The following HACD2 variants were observed in gnomAD, a reference collection of about 807,000 sequenced individuals.
The protein encoded by HACD2 is 3-hydroxyacyl-CoA dehydratase 2.
A neutral mutation model predicts 31.0 loss-of-function variants in HACD2; 15 were observed. The ratio of observed to expected loss-of-function variants is 0.48; its 90% CI spans 0.32 to 0.75. HACD2 has a LOEUF of 0.75. Ranked by LOEUF, HACD2 falls within the 30% of genes least tolerant of loss-of-function variation. The pLI, the probability that HACD2 is intolerant of heterozygous loss-of-function variation, is 0.03. For synonymous variants in HACD2, 115 were observed against 122.2 expected, an observed-to-expected ratio of 0.94 and a Z score of 0.39; for missense variants, 283 against 313.0, an observed-to-expected ratio of 0.90 and a Z score of 0.72.
intron 3 of HACD2, among the ~76,000 whole-genome samples, chr3:123,563,644 TACACACACACACACAC>T (rs58761061): frequency 8.9e-6 from 1 of 112,000 alleles, no homozygotes; most frequent in Admixed American, 8.0e-5. Context: ...AAAATATATA[TACACACACACACACAC>T]ACACACACAC....
chr3:123,553,208 G>C (rs1464702876), intron 3 of HACD2, among the ~76,000 whole-genome samples: 1 of 152,174 alleles, frequency 6.6e-6, no homozygotes, highest in Admixed American at 6.5e-5. Flanking sequence ...TACAGAGACA[G>C]AGAGAGAGAA....
intron 4 of HACD2, chr3:123,502,891 C>T: frequency 6.0e-6 from 3 of 497,000 alleles, no homozygotes; most frequent in Non-Finnish European, 1.1e-5. Flanking sequence ...GTGCAAAGGG[C>T]CTCAGTCACC....
chr3:123,523,345 G>C (rs1166670682), intron 4 of HACD2, among the ~76,000 whole-genome samples: 1 of 152,194 alleles, frequency 6.6e-6, no homozygotes, highest in African/African-American at 2.4e-5. Context: ...GCTTTGTAAG[G>C]GTTTCAGAAG....
chr3:123,500,854 T>C (rs931399985), intron 5 of HACD2, among the ~76,000 whole-genome samples, 161 bp from the exon 6 acceptor site: 10 of 152,262 alleles, frequency 6.6e-5, no homozygotes, highest in Non-Finnish European at 1.5e-5. Context: ...AGCCAGTTTC[T>C]GAAACCAGCC....
chr3:123,550,380 C>A (rs1206035540), intron 3 of HACD2, among the ~76,000 whole-genome samples: 1 of 151,866 alleles, frequency 6.6e-6, no homozygotes, highest in African/African-American at 2.4e-5. Context: ...AGAAAATGAG[C>A]AGCAATGAAG....
At chr3:123,571,540 C>T (rs952937314) in intron 2 of HACD2, among the ~76,000 whole-genome samples, 2 of 152,134 alleles carry the variant, frequency 1.3e-5, no homozygotes, top group African/African-American at 4.8e-5. Context: ...TGGAGAGCAG[C>T]CTCTAGGAAT....
At chr3:123,495,190 C>T (rs758152702) in intron 6 of HACD2, among the ~76,000 whole-genome samples, 1 of 152,198 alleles carries the variant, frequency 6.6e-6, no homozygotes, top group East Asian at 1.9e-4. Flanking sequence ...GTGTGGAATA[C>T]AATGACAGAC....
intron 3 of HACD2, among the ~76,000 whole-genome samples, chr3:123,535,707 TCCA>T (rs2056417429): frequency 6.6e-6 from 1 of 152,196 alleles, no homozygotes; most frequent in Non-Finnish European, 1.5e-5. Context: ...AGCCACCTCA[TCCA>T]TGCTGAGCCT....
intron 3 of HACD2, among the ~76,000 whole-genome samples, chr3:123,551,502 G>A (rs2056619954): frequency 6.6e-6 from 1 of 152,014 alleles, no homozygotes; most frequent in Non-Finnish European, 1.5e-5. Flanking sequence ...GCGAGTGCCT[G>A]TAATCCCAGC....
chr3:123,498,134 C>T (rs1365013791), intron 6 of HACD2, among the ~76,000 whole-genome samples: 1 of 152,190 alleles, frequency 6.6e-6, no homozygotes. Context: ...GTGAGGCCAG[C>T]AGGCACCAGG....
At chr3:123,527,702 CTTA>C (rs746185229) in intron 4 of HACD2, among the ~76,000 whole-genome samples, 2 of 152,282 alleles carry the variant, frequency 1.3e-5, no homozygotes. Flanking sequence ...AGGAACAAAT[CTTA>C]TATTTGTGAA....
intron 4 of HACD2, among the ~76,000 whole-genome samples, chr3:123,503,527 G>A (rs2055933573): frequency 6.6e-6 from 1 of 151,982 alleles, no homozygotes; most frequent in South Asian, 2.1e-4. Flanking sequence ...AACAATAAAG[G>A]TTTAAAAGAG....
intron 4 of HACD2, among the ~76,000 whole-genome samples, chr3:123,524,552 T>C (rs746226571): frequency 2.0e-5 from 3 of 152,228 alleles, no homozygotes; most frequent in Non-Finnish European, 4.4e-5. Context: ...GAATATGGCA[T>C]GGTGGAACTG....
chr3:123,531,880 A>G (rs1437650033), intron 3 of HACD2, among the ~76,000 whole-genome samples: 1 of 152,190 alleles, frequency 6.6e-6, no homozygotes, highest in African/African-American at 2.4e-5. Context: ...ATTTCTTGAT[A>G]CTATAAATGA....
At chr3:123,497,854 A>T (rs2055853625) in intron 6 of HACD2, among the ~76,000 whole-genome samples, 1 of 152,240 alleles carries the variant, frequency 6.6e-6, no homozygotes, top group Non-Finnish European at 1.5e-5. Flanking sequence ...CATGAAAAGG[A>T]GGTGTTACTT....
At position 123,516,233 on chromosome 3, in the gene HACD2, A is replaced by ATT. The variant is rs138783399; in HGVS notation, c.381+12151_381+12152dup. Among the ~76,000 whole-genome samples the ATT allele has an allele frequency of 2.8e-3, 346 of 125,802 alleles. 3 individuals carry two copies. The highest frequency in any genetic ancestry group is 9.4e-3 in the African/African-American group (330 of 35,284). 82.5% of individuals were successfully genotyped at this position (125,802 alleles called of 152,430 possible). On this transcript the variant is annotated intron_variant, in intron 4 of 6. Coordinates refer to ENST00000383657, the MANE Select transcript of HACD2 (RefSeq NM_198402.5). ...TAAAGGAGAGAATAATGTGCAACAT[A>ATT]TTTTTTTTTTTTTTTTTTGAGATGG...
chr3:123,563,365 G>A (rs1051516410), intron 3 of HACD2, among the ~76,000 whole-genome samples: 4 of 152,174 alleles, frequency 2.6e-5, no homozygotes, highest in South Asian at 2.1e-4. Context: ...TGGGCACAGC[G>A]CAGATGAGCA....
chr3:123,517,877 T>C (rs2056165630), intron 4 of HACD2, among the ~76,000 whole-genome samples: 1 of 152,248 alleles, frequency 6.6e-6, no homozygotes, highest in Non-Finnish European at 1.5e-5. Context: ...ATAGATGTTC[T>C]GTTTGGGCTT....
chr3:123,549,860 G>A (rs1259392718), intron 3 of HACD2, among the ~76,000 whole-genome samples: 1 of 151,396 alleles, frequency 6.6e-6, no homozygotes, highest in Admixed American at 6.7e-5. Flanking sequence ...TAGGTTTGAG[G>A]ATTTCTGGGG....
Sources: allele counts gnomAD v4.1 joint callset (sites outside exome capture counted in the v4.1 genomes callset), GRCh38; gene constraint gnomAD v4.1.1; transcripts MANE v1.5; gene names NCBI Gene and HGNC (gene_info 2026-07-23, HGNC 2026-07-21).